The following TLN2 variants were observed in gnomAD, a reference collection of about 807,000 sequenced individuals.
TLN2 encodes talin 2.
Under a neutral mutation model 294.7 loss-of-function variants are expected in TLN2, and 118 were observed. The ratio of observed to expected loss-of-function variants is 0.40; its 90% CI spans 0.34 to 0.47. TLN2 has a LOEUF of 0.47. TLN2 is among the 20% of genes least tolerant of loss of function. The pLI is 0.84. For missense variants in TLN2, 3,083 were observed against 3,282.2 expected, an observed-to-expected ratio of 0.94 and a Z score of 1.48; for synonymous variants, 1,431 against 1,304.5, an observed-to-expected ratio of 1.10 and a Z score of -2.09.
intron 54 of TLN2, among the ~76,000 whole-genome samples, chr15:62,826,191 A>G (rs8032601): frequency 0.92 from 140,440 of 151,964 alleles, 65,099 homozygotes; most frequent in Non-Finnish European, 0.96. Context: ...TGTGCTTTCT[A>G]TATCGACATT....
intron 42 of TLN2, among the ~76,000 whole-genome samples, chr15:62,773,872 T>C (rs558339029): frequency 2.0e-5 from 3 of 152,160 alleles, no homozygotes; most frequent in East Asian, 3.9e-4. Flanking sequence ...ATAGTAGATA[T>C]GTTTTTTAAA....
chr15:62,494,543 G>A (rs1218306559), intron 1 of TLN2, among the ~76,000 whole-genome samples: 1 of 152,064 alleles, frequency 6.6e-6, no homozygotes, highest in African/African-American at 2.4e-5. Context: ...GATTTTCTGG[G>A]TGATTCTTTG....
At chr15:62,595,891 G>A (rs749231434) in intron 2 of TLN2, among the ~76,000 whole-genome samples, 7 of 152,154 alleles carry the variant, frequency 4.6e-5, no homozygotes, top group Non-Finnish European at 7.3e-5. Flanking sequence ...TACCAGTGCT[G>A]GGGAGATGTT....
At chr15:62,474,647 GAAT>G (rs2037683761) in intron 1 of TLN2, among the ~76,000 whole-genome samples, 1 of 152,086 alleles carries the variant, frequency 6.6e-6, no homozygotes, top group South Asian at 2.1e-4. Context: ...TCTCAAAAAA[GAAT>G]AAGGAATAAT....
chr15:62,762,373 A>G lies in TLN2; in HGVS notation c.4881A>G (p.Lys1627=), dbSNP rs1279491573. Residue 1627 remains lysine (K), a synonymous_variant, in exon 39 of 59, where the codon AAA becomes AAG. Coordinates refer to ENST00000636159, the MANE Select transcript of TLN2 (RefSeq NM_015059.3). Reference sequence around the variant, plus strand: ...CACGCTCTCTGGCCATCAACCCCAAAGACCCACCCACCTGGTCTGTACTGG... The same window carrying G: ...CACGCTCTCTGGCCATCAACCCCAAGGACCCACCCACCTGGTCTGTACTGG... The part of the protein sequence containing the change: ...RTARSLAINP[K]DPPTWSVLAG... The G allele has an allele frequency of 6.2e-7, 1 of 1,614,166 alleles. No homozygotes were observed. Among genetic ancestry groups the G allele is most frequent in the Non-Finnish European group, 8.5e-7 (1 of 1,180,034 alleles).
At chr15:62,614,210 T>A (rs538630831) in intron 2 of TLN2, among the ~76,000 whole-genome samples, 71 of 152,336 alleles carry the variant, frequency 4.7e-4, no homozygotes, top group African/African-American at 1.6e-3. Flanking sequence ...TAGCACAGAA[T>A]TCATCAGCTG....
Position 62,673,648 on chromosome 15 carries a change from A to G in TLN2, c.789-179A>G, listed in dbSNP as rs182211634. On this transcript the variant is annotated intron_variant, in intron 9 of 58. Coordinates refer to ENST00000636159, the MANE Select transcript of TLN2 (RefSeq NM_015059.3). ...TTAGTTTGACCTTTTCTATCATACT[A>G]GTTTTATGTCCGTGCCCTTATTCAA... Among the ~76,000 whole-genome samples the G allele has an allele frequency of 2.3e-3, 344 of 147,616 alleles. 2 individuals are homozygous for G. Among genetic ancestry groups the G allele is most frequent in the African/African-American group, 8.1e-3 (323 of 39,978 alleles).
At chr15:62,470,242 G>T (rs2037389342) in intron 1 of TLN2, among the ~76,000 whole-genome samples, 2 of 152,170 alleles carry the variant, frequency 1.3e-5, no homozygotes, top group Non-Finnish European at 2.9e-5. Flanking sequence ...CGGGAGGATG[G>T]CCAAACCAGG....
At position 62,415,230 on chromosome 15, in the gene TLN2, A is replaced by G. The variant is rs180889402; in HGVS notation, c.-238+24545A>G. On this transcript the variant is annotated intron_variant, in intron 1 of 58. Transcript: ENST00000636159. The stretch of plus-strand genomic sequence containing the variant: ...GGATGCCTTTGATAGTCATGTTCCT[A>G]TTAGGGACAGAGATGGACAGATTTC... 7.1e-4 allele frequency among the ~76,000 whole-genome samples: 101 copies of G among 141,334 alleles called. 5 individuals carry two copies. Among genetic ancestry groups the G allele is most frequent in the African/African-American group, 2.4e-3 (94 of 39,616 alleles). The allele number at this position is 141,334 out of a possible 152,430, so 92.7% of individuals were successfully genotyped here.
intron 2 of TLN2, among the ~76,000 whole-genome samples, chr15:62,597,320 C>T (rs1253947938): frequency 6.6e-6 from 1 of 152,122 alleles, no homozygotes; most frequent in Non-Finnish European, 1.5e-5. Flanking sequence ...GTGGTATTTC[C>T]TCTATTATGA....
At position 62,835,812 on chromosome 15, in the gene TLN2, C is replaced by A; in HGVS notation, c.7191+13C>A. On this transcript the variant is annotated intron_variant, in intron 56 of 58. Transcript: ENST00000636159. ...GCTGATTTCTGCTGTGAGTTGCCTT[C>A]TCCTTCCTCCCAGTTTGCTTTTGGG... 1 of 1,614,236 alleles carries A rather than the reference C, an allele frequency of 6.2e-7. No homozygotes were observed. The highest frequency in any genetic ancestry group is 1.1e-5 in the South Asian group (1 of 91,088).
intron 1 of TLN2, among the ~76,000 whole-genome samples, chr15:62,499,265 A>G (rs144389816): frequency 8.9e-4 from 135 of 152,204 alleles, no homozygotes; most frequent in African/African-American, 3.1e-3. Context: ...CCTGGGCAAC[A>G]TGGCAAAACC....
intron 1 of TLN2, among the ~76,000 whole-genome samples, chr15:62,529,639 C>G (rs548205019): frequency 6.6e-6 from 1 of 151,168 alleles, no homozygotes; most frequent in African/African-American, 2.4e-5. Flanking sequence ...CTACCTCTGT[C>G]TCTCAGGTAC....
At chr15:62,665,458 T>C (rs2054504043) in intron 9 of TLN2, among the ~76,000 whole-genome samples, 1 of 152,162 alleles carries the variant, frequency 6.6e-6, no homozygotes, top group African/African-American at 2.4e-5. Context: ...GCAAAAGTAA[T>C]AGGCACTGGA....
chr15:62,558,454 A>G (rs1356096318), intron 1 of TLN2, among the ~76,000 whole-genome samples: 2 of 152,194 alleles, frequency 1.3e-5, no homozygotes, highest in Non-Finnish European at 2.9e-5. Context: ...TGTAGTTCCT[A>G]TAGAAGAAGA....
intron 45 of TLN2, among the ~76,000 whole-genome samples, chr15:62,790,848 C>T (rs1036078495): frequency 6.6e-6 from 1 of 152,248 alleles, no homozygotes; most frequent in Non-Finnish European, 1.5e-5. Flanking sequence ...TTTCCCGCCT[C>T]AGCGGCAGCC....
chr15:62,812,227 A>G lies in TLN2; in HGVS notation c.6771+2195A>G, dbSNP rs532860473. Among the ~76,000 whole-genome samples, 38 of 152,132 alleles carry G rather than the reference A, an allele frequency of 2.5e-4. 1 individual carries two copies. In the South Asian group the frequency reaches 7.5e-3, roughly 30 times the overall value. On this transcript the variant is annotated intron_variant, in intron 52 of 58. Coordinates refer to ENST00000636159, the MANE Select transcript of TLN2 (RefSeq NM_015059.3). The stretch of plus-strand genomic sequence containing the variant: ...CTGTTGTCTTGTTCATTTTGGGGGA[A>G]GGGAGGAGATACAGGGATCCTCGTA...
At chr15:62,786,093 G>T (rs1459002316) in intron 45 of TLN2, among the ~76,000 whole-genome samples, 3 of 152,164 alleles carry the variant, frequency 2.0e-5, no homozygotes, top group African/African-American at 7.2e-5. Flanking sequence ...ATTTCCAGTG[G>T]CTTGCTAAGG....
At chr15:62,470,024 A>G (rs1030155960) in intron 1 of TLN2, among the ~76,000 whole-genome samples, 3 of 152,158 alleles carry the variant, frequency 2.0e-5, no homozygotes, top group South Asian at 4.1e-4. Context: ...GACTCAAAAC[A>G]ATAGCTTTAT....
Sources: allele counts gnomAD v4.1 joint callset (sites outside exome capture counted in the v4.1 genomes callset), GRCh38; gene constraint gnomAD v4.1.1; transcripts MANE v1.5; gene names NCBI Gene and HGNC (gene_info 2026-07-23, HGNC 2026-07-21).